The following NRXN1 variants were observed in gnomAD, a reference collection of about 807,000 sequenced individuals.
NRXN1 encodes neurexin-1.
A neutral mutation model predicts 150.9 loss-of-function variants in NRXN1; 39 were observed. That is an observed-to-expected ratio of 0.26 (90% CI 0.20 to 0.34). The LOEUF (loss-of-function observed/expected upper bound fraction) is 0.34. Among genes scored for constraint, NRXN1 ranks in the 10% least tolerant of loss-of-function variants. The pLI is 1.00. For synonymous variants in NRXN1, 924 were observed against 757.0 expected, an observed-to-expected ratio of 1.22 and a Z score of -3.62; for missense variants, 1,815 against 1,949.9, an observed-to-expected ratio of 0.93 and a Z score of 1.30.
At position 50,182,380 on chromosome 2, in the gene NRXN1, C is replaced by T. The variant is rs540110203; in HGVS notation, c.3546+54409G>A. Among the ~76,000 whole-genome samples, 23 of 152,042 alleles carry T rather than the reference C, an allele frequency of 1.5e-4. No homozygotes were observed. In the South Asian group the frequency reaches 3.5e-3, roughly 23 times the overall value. ...GTTTAAAATCCTAGATTAGTGTCTG[C>T]GGGTGTTGGTAAAGCTGAATGGCTC... On this transcript the variant is annotated intron_variant, in intron 18 of 22. Transcript: ENST00000401669.
chr2:50,375,675 C>T (rs1287188094), intron 17 of NRXN1, among the ~76,000 whole-genome samples: 1 of 150,788 alleles, frequency 6.6e-6, no homozygotes, highest in African/African-American at 2.4e-5. Flanking sequence ...ATTGCAATAG[C>T]AATAGTCAAA....
At chr2:51,006,521 T>A (rs985644843) in intron 2 of NRXN1, among the ~76,000 whole-genome samples, 1 of 151,440 alleles carries the variant, frequency 6.6e-6, no homozygotes, top group African/African-American at 2.4e-5. Flanking sequence ...GTTGTGCACA[T>A]GTACCCTAAA....
chr2:50,285,300 A>G (rs575807069), intron 17 of NRXN1, among the ~76,000 whole-genome samples: 24 of 152,226 alleles, frequency 1.6e-4, no homozygotes, highest in African/African-American at 5.8e-4. Flanking sequence ...TCATTTTCCA[A>G]TCCACTCATT....
intron 5 of NRXN1, among the ~76,000 whole-genome samples, chr2:50,804,938 G>C (rs1022250996): frequency 1.2e-4 from 18 of 152,166 alleles, no homozygotes; most frequent in Admixed American, 1.2e-3. Flanking sequence ...CATGTAAGAA[G>C]AAGCAGTACA....
chr2:49,922,032 T>C lies in NRXN1; in HGVS notation c.4436A>G (p.Asn1479Ser), dbSNP rs899601870. 5 of 1,614,048 alleles carry C rather than the reference T, an allele frequency of 3.1e-6. No homozygotes were observed. Among genetic ancestry groups the C allele is most frequent in the South Asian group, 1.1e-5 (1 of 91,090 alleles). Residue 1479 changes from asparagine (N) to serine (S), a missense_variant, in exon 23 of 23, where the codon AAT becomes AGT. Transcript: ENST00000401669. ...TTGTTTCTCCTTTACAACAGCCCCA[T>C]TGGACTGTGCTGAGTTACTGATGTA... ...RNYISNSAQS[N>S]GAVVKEKQPS...
Position 50,726,363 on chromosome 2 carries a change from T to G in NRXN1, c.833-102748A>C, listed in dbSNP as rs934082743. On this transcript the variant is annotated intron_variant, in intron 5 of 22. Coordinates refer to ENST00000401669, the MANE Select transcript of NRXN1 (RefSeq NM_001330078.2). ...TTATATGGAAATAATAGTAATAACC[T>G]TAGCTGCGCGTGGTGGCGCCCGCCT... Among the ~76,000 whole-genome samples the G allele has an allele frequency of 3.9e-5, 6 of 152,330 alleles. No individual in the cohort carries two copies. In the South Asian group the frequency reaches 6.2e-4, roughly 16 times the overall value.
At chr2:50,536,907 C>G (rs1208971112) in intron 10 of NRXN1, among the ~76,000 whole-genome samples, 2 of 152,138 alleles carry the variant, frequency 1.3e-5, no homozygotes, top group African/African-American at 4.8e-5. Flanking sequence ...TAGGTACTAT[C>G]ATAAAGAGAA....
At chr2:50,033,969 G>GA (rs61264442) in intron 21 of NRXN1, among the ~76,000 whole-genome samples, 3,319 of 109,820 alleles carry the variant, frequency 0.03, 49 homozygotes, top group South Asian at 0.11. Flanking sequence ...TTAAAAAGTG[G>GA]AAAAAAAAAA....
chr2:50,398,703 T>C (rs77842281), intron 17 of NRXN1, among the ~76,000 whole-genome samples: 2,230 of 152,246 alleles, frequency 0.015, 55 homozygotes, highest in African/African-American at 0.049. Context: ...GCACTGCCTT[T>C]GGACAGGATT....
chr2:50,549,133 G>A (rs1254815662), intron 9 of NRXN1, among the ~76,000 whole-genome samples: 1 of 152,022 alleles, frequency 6.6e-6, no homozygotes, highest in Non-Finnish European at 1.5e-5. Flanking sequence ...AAATTTCCAT[G>A]TTTCTTAGTT....
At chr2:50,634,941 G>A (rs989142303) in intron 5 of NRXN1, among the ~76,000 whole-genome samples, 2 of 152,070 alleles carry the variant, frequency 1.3e-5, no homozygotes, top group Admixed American at 1.3e-4. Context: ...TCAACAACAT[G>A]AGAGAAATTC....
chr2:50,967,927 T>C (rs775345793), intron 2 of NRXN1, among the ~76,000 whole-genome samples: 1 of 152,076 alleles, frequency 6.6e-6, no homozygotes. Context: ...AATTTTGGCA[T>C]AGCATAGAGC....
chr2:49,938,830 C>T (rs1671483558), intron 22 of NRXN1, among the ~76,000 whole-genome samples: 1 of 152,212 alleles, frequency 6.6e-6, no homozygotes, highest in African/African-American at 2.4e-5. Context: ...TCTTGAATAT[C>T]AACATAAAAC....
intron 18 of NRXN1, among the ~76,000 whole-genome samples, chr2:50,228,748 T>C (rs1328752360): frequency 3.3e-5 from 5 of 152,038 alleles, no homozygotes; most frequent in African/African-American, 1.2e-4. Context: ...CCATTCTTTA[T>C]TGGGCAGGAA....
rs202205785 is a variant in NRXN1, at chr2:51,028,092, C to A, written c.182G>T (p.Arg61Leu). 1.3e-6 allele frequency: 2 copies of A among 1,583,674 alleles called. No homozygotes were observed. The highest frequency in any genetic ancestry group is 1.7e-6 in the Non-Finnish European group (2 of 1,168,088). The stretch of plus-strand genomic sequence containing the variant: ...GTAGAGCACGAGGCCGCGGGCGCTG[C>A]GAGTCTTGAGCTGGAAGCTCATCTC... Reference protein sequence around the residue: ...ESEMSFQLKTRSARGLVLYFD... With the variant: ...ESEMSFQLKTLSARGLVLYFD... Residue 61 changes from arginine to leucine, a missense_variant, in exon 2 of 23, where the codon CGC becomes CTC. Transcript: ENST00000401669.
In NRXN1 at chr2:49,921,036, T is replaced by C. The variant is rs2103980475; in HGVS notation, c.*908A>G. On this transcript the variant is annotated 3_prime_UTR_variant, in exon 23 of 23. Transcript: ENST00000401669. ...AGAAAAACCCAACTGAAATAATTGT[T>C]GCTCTGATGTCATAAAACTCCCTAT... 1 of 152,674 alleles carries C rather than the reference T, an allele frequency of 6.5e-6. No individual in the cohort carries two copies. Among genetic ancestry groups the C allele is most frequent in the East Asian group, 1.9e-4 (1 of 5,172 alleles). 9.5% of individuals were successfully genotyped at this position (152,674 alleles called of 1,614,324 possible). A position where few individuals can be genotyped will look rare whatever the true frequency, so the allele number is the denominator to read the frequency against.
intron 17 of NRXN1, among the ~76,000 whole-genome samples, chr2:50,251,283 T>C (rs1193121645): frequency 6.6e-6 from 1 of 152,064 alleles, no homozygotes; most frequent in African/African-American, 2.4e-5. Flanking sequence ...CGTGCACTGT[T>C]TGGTTTTCTG....
chr2:50,115,576 A>T (rs1702944344), intron 18 of NRXN1, among the ~76,000 whole-genome samples: 1 of 152,014 alleles, frequency 6.6e-6, no homozygotes, highest in African/African-American at 2.4e-5. Context: ...GGTATAAGTG[A>T]GATACGAACC....
At chr2:50,093,593 C>T (rs950278503) in intron 18 of NRXN1, among the ~76,000 whole-genome samples, 2 of 152,064 alleles carry the variant, frequency 1.3e-5, no homozygotes, top group Non-Finnish European at 2.9e-5. Flanking sequence ...CATGACTGTG[C>T]ACTGAACTCC....
Sources: gnomAD v4.1 joint callset for allele counts (sites outside exome capture counted in the v4.1 genomes callset) on GRCh38, gnomAD v4.1.1 for gene constraint, MANE v1.5 for transcripts, NCBI Gene and HGNC (gene_info 2026-07-23, HGNC 2026-07-21) for gene names.